GON4L: variants seen among roughly 807,000 people sequenced by gnomAD.
The protein encoded by GON4L is GON-4-like protein.
A neutral mutation model predicts 211.8 loss-of-function variants in GON4L; 87 were observed. The ratio of observed to expected loss-of-function variants is 0.41; its 90% CI spans 0.35 to 0.49. GON4L has a LOEUF of 0.49. Among genes scored for constraint, GON4L ranks in the 20% least tolerant of loss-of-function variants. The pLI, the probability that GON4L is intolerant of heterozygous loss-of-function variation, is 0.15. For missense variants in GON4L, 2,155 were observed against 2,659.5 expected, an observed-to-expected ratio of 0.81 and a Z score of 4.17; for synonymous variants, 875 against 962.6, an observed-to-expected ratio of 0.91 and a Z score of 1.68.
At chr1:155,769,684 T>C (rs1301805001) in intron 19 of GON4L, among the ~76,000 whole-genome samples, 3 of 152,020 alleles carry the variant, frequency 2.0e-5, no homozygotes, top group Admixed American at 2.0e-4. Context: ...AAAAACAAAA[T>C]GTTCAGCAGG....
At chr1:155,788,746 A>G (rs746597577) in intron 12 of GON4L, among the ~76,000 whole-genome samples, 25 of 152,208 alleles carry the variant, frequency 1.6e-4, no homozygotes, top group Non-Finnish European at 3.4e-4. Context: ...AGCACATCCT[A>G]TATGATTCCA....
At chr1:155,857,261 T>G (rs1328935932), upstream of GON4L, 1 of 152,446 alleles carries the variant, frequency 6.6e-6, no homozygotes, top group South Asian at 2.1e-4. Flanking sequence ...CGCGCCGCAG[T>G]GCATCAAGGA....
At chr1:155,784,267 G>A (rs1664708187) in intron 13 of GON4L, 178 bp from the exon 14 acceptor site, 2 of 744,782 alleles carry the variant, frequency 2.7e-6, no homozygotes, top group Non-Finnish European at 4.4e-6. Context: ...ACTTGGGATG[G>A]CTATTATGCC....
rs1660665434 is a variant in GON4L at position 155,752,122 on chromosome 1, G to A, written c.6311C>T (p.Ser2104Leu). Reference protein sequence around the residue: ...VHESPSGIDTSETSPKAPRGG... With the variant: ...VHESPSGIDTLETSPKAPRGG... Reference sequence around the variant, plus strand: ...TCTAGGGGCTTTGGGAGAAGTCTCTGAGGTGTCAATTCCTGATGGAGATTC... The same window carrying A: ...TCTAGGGGCTTTGGGAGAAGTCTCTAAGGTGTCAATTCCTGATGGAGATTC... The change falls in exon 30 of 32, where the codon TCA becomes TTA. Residue 2104 changes from serine (S) to leucine (L), a missense_variant. Physicochemically the swap from Ser to Leu is moderately radical, Grantham distance 145 (BLOSUM62 -2). Transcript: ENST00000368331. 1 of 1,613,456 alleles carries A rather than the reference G, an allele frequency of 6.2e-7. No individual in the cohort carries two copies. The highest frequency in any genetic ancestry group is 8.5e-7 in the Non-Finnish European group (1 of 1,179,462).
chr1:155,757,328 GGA>G lies in GON4L; in HGVS notation c.5254-7_5254-6del, dbSNP rs745804988. On this transcript the variant is annotated splice_polypyrimidine_tract_variant and splice_region_variant and intron_variant, in intron 25 of 31. Transcript: ENST00000368331. Reference sequence around the variant, plus strand: ...CTGCCACATCTGTGTCTTGAGCTGAGGAGAGTCACAGAGGGAAAGAGGAAGTC... The same window carrying G: ...CTGCCACATCTGTGTCTTGAGCTGAGGAGTCACAGAGGGAAAGAGGAAGTC... 2.5e-6 allele frequency: 4 copies of G among 1,613,028 alleles called. No individual in the cohort carries two copies. In the South Asian group the frequency reaches 4.4e-5, roughly 18 times the overall value.
intron 2 of GON4L, among the ~76,000 whole-genome samples, chr1:155,836,218 T>C (rs943752468): frequency 1.3e-5 from 2 of 150,884 alleles, no homozygotes; most frequent in African/African-American, 4.9e-5. Context: ...GAGTGTCCCC[T>C]TTGTTCCCCC....
intron 14 of GON4L, among the ~76,000 whole-genome samples, chr1:155,779,253 CAAAAAAAAAA>C (rs764871817): frequency 0.011 from 116 of 10,688 alleles, no homozygotes; most frequent in Non-Finnish European, 0.013. Context: ...GACTCTGTCT[CAAAAAAAAAA>C]AAAAAAAAAA....
intron 20 of GON4L, chr1:155,767,049 C>A: frequency 1.8e-6 from 1 of 569,870 alleles, no homozygotes; most frequent in Non-Finnish European, 3.0e-6. Flanking sequence ...AAAAACAAAA[C>A]AAAACAACAA....
intron 19 of GON4L, 114 bp downstream of exon 19, chr1:155,770,952 TG>T: frequency 7.1e-7 from 1 of 1,409,478 alleles, no homozygotes; most frequent in Non-Finnish European, 1.0e-6. Context: ...TAGTGTAAAG[TG>T]GGAGAAATTA....
intron 26 of GON4L, 25 bp downstream of exon 26, chr1:155,757,155 G>T: frequency 6.2e-7 from 1 of 1,613,812 alleles, no homozygotes. Flanking sequence ...CCTTCATAAG[G>T]CTACAGCAGC....
intron 14 of GON4L, among the ~76,000 whole-genome samples, chr1:155,778,851 T>C (rs1664102409): frequency 6.6e-6 from 1 of 152,142 alleles, no homozygotes; most frequent in Admixed American, 6.6e-5. Context: ...TTCACCTCCA[T>C]CCATGTCCCT....
intron 14 of GON4L, among the ~76,000 whole-genome samples, chr1:155,783,513 A>G (rs1337801291): frequency 6.6e-6 from 1 of 152,232 alleles, no homozygotes; most frequent in Admixed American, 6.5e-5. Flanking sequence ...CACAAGTGCC[A>G]ACTTTAGGCA....
chr1:155,751,319 G>T (rs923881179), intron 31 of GON4L, among the ~76,000 whole-genome samples: 1 of 152,114 alleles, frequency 6.6e-6, no homozygotes, highest in Admixed American at 6.6e-5. Context: ...GCTGAGGCAG[G>T]TGGATAACCT....
chr1:155,797,668 ACC>A (rs66502933), intron 11 of GON4L, among the ~76,000 whole-genome samples: 3 of 143,644 alleles, frequency 2.1e-5, no homozygotes, highest in South Asian at 2.2e-4. Context: ...ACATGGTGAG[ACC>A]CCCCCCCTCC....
At chr1:155,760,725 T>C (rs1281688920) in intron 23 of GON4L, 84 bp from the exon 24 acceptor site, 1 of 877,598 alleles carries the variant, frequency 1.1e-6, no homozygotes, top group Non-Finnish European at 1.9e-6. Context: ...GGCAGGGTTA[T>C]GGTTAGAGAG....
intron 2 of GON4L, 127 bp from the exon 3 acceptor site, chr1:155,827,155 A>G: frequency 1.4e-6 from 1 of 729,196 alleles, no homozygotes; most frequent in Non-Finnish European, 2.4e-6. Flanking sequence ...ACTATATAGG[A>G]ATTTTCCTCT....
At chr1:155,819,762 T>C (rs558741371) in intron 6 of GON4L, among the ~76,000 whole-genome samples, 5 of 152,246 alleles carry the variant, frequency 3.3e-5, no homozygotes, top group Non-Finnish European at 5.9e-5. Context: ...AAGAGCTTGC[T>C]GCACAGAATA....
intron 10 of GON4L, among the ~76,000 whole-genome samples, chr1:155,810,446 G>C (rs1375997206): frequency 6.6e-6 from 1 of 151,912 alleles, no homozygotes; most frequent in Non-Finnish European, 1.5e-5. Flanking sequence ...GGTGGCTCAC[G>C]CCTGTAATCC....
chr1:155,765,280 T>C lies in GON4L; in HGVS notation c.4193A>G (p.Asp1398Gly), dbSNP rs1160604627. ...CACATCTGTCCCTGAGGTTCCTTCA[T>C]CAGGGGGCTCTTGAGAAGATGAAGG... is the stretch of plus-strand genomic sequence containing the variant. ...KTPSSSQEPPDEGTSGTDVNK... is the reference protein window; with the variant it reads ...KTPSSSQEPPGEGTSGTDVNK... The change falls in exon 21 of 32, where the codon GAT becomes GGT. Residue 1398 changes from aspartate to glycine, a missense_variant. This residue lies in a region of GON4L where 615 missense variants were observed against 625.7 expected (regional missense o/e 0.98). Transcript: ENST00000368331. The C allele has an allele frequency of 1.2e-5, 19 of 1,614,078 alleles. No individual in the cohort carries two copies. The highest frequency in any genetic ancestry group is 1.5e-5 in the Non-Finnish European group (18 of 1,180,040).
Sources: gnomAD v4.1 joint callset for allele counts (sites outside exome capture counted in the v4.1 genomes callset) on GRCh38, gnomAD v4.1.1 for gene constraint, gnomAD v4.1.1 regional missense constraint, MANE v1.5 for transcripts, NCBI Gene and HGNC (gene_info 2026-07-23, HGNC 2026-07-21) for gene names.